Variants in MTHFD1L observed in about 807,000 individuals in gnomAD.
MTHFD1L encodes methylenetetrahydrofolate dehydrogenase (NADP+ dependent) 1 like.
A neutral mutation model predicts 119.5 loss-of-function variants in MTHFD1L; 81 were observed. That is an observed-to-expected ratio of 0.68 (90% CI 0.57 to 0.82). The LOEUF (loss-of-function observed/expected upper bound fraction) is 0.82. Among genes scored for constraint, MTHFD1L ranks in the 40% least tolerant of loss-of-function variants. MTHFD1L has a pLI of 0.00. For missense variants in MTHFD1L, 1,125 were observed against 1,253.4 expected, an observed-to-expected ratio of 0.90 and a Z score of 1.55; for synonymous variants, 430 against 475.2, an observed-to-expected ratio of 0.90 and a Z score of 1.24.
chr6:151,063,940 G>T (rs563338834), intron 26 of MTHFD1L, among the ~76,000 whole-genome samples: 30 of 151,388 alleles, frequency 2.0e-4, no homozygotes, highest in African/African-American at 7.2e-4. Context: ...GAAGTTATGA[G>T]CATTTCTGGA....
Position 151,015,746 on chromosome 6 carries a change from G to A in MTHFD1L, c.2586+53G>A, listed in dbSNP as rs1403507981. 59 of 1,573,600 alleles carry A rather than the reference G, an allele frequency of 3.7e-5. 1 individual carries two copies. The highest frequency in any genetic ancestry group is 4.9e-5 in the Non-Finnish European group (57 of 1,158,232). On this transcript the variant is annotated intron_variant, in intron 24 of 27. Coordinates refer to ENST00000367321, the MANE Select transcript of MTHFD1L (RefSeq NM_015440.5). ...CATTTCTTACACCTTAGCATGGGTT[G>A]TCCCATTCTGTTGTCACCACAACCC...
At position 150,865,724 on chromosome 6, in the gene MTHFD1L, G is replaced by GCCGCCGCCA; in HGVS notation, c.-91_-90insACCGCCGCC. On this transcript the variant is annotated 5_prime_UTR_variant, in exon 1 of 28. Coordinates refer to ENST00000367321, the MANE Select transcript of MTHFD1L (RefSeq NM_015440.5). ...GAGGAGGAAGCGCCAGGTCCTTCCC[G>GCCGCCGCCA]CCGCCGCCGCCGCCGCCGCCGCCTG... 1 of 773,230 alleles carries GCCGCCGCCA rather than the reference G, an allele frequency of 1.3e-6. No homozygotes were observed. The highest frequency in any genetic ancestry group is 1.6e-6 in the Non-Finnish European group (1 of 615,608). The allele number at this position is 773,230 out of a possible 1,614,324, so 47.9% of individuals were successfully genotyped here.
chr6:151,046,764 T>C (rs1158723497), intron 26 of MTHFD1L, among the ~76,000 whole-genome samples: 1 of 151,974 alleles, frequency 6.6e-6, no homozygotes, highest in Non-Finnish European at 1.5e-5. Flanking sequence ...AGCTAAGCAA[T>C]ATATGCAAGG....
chr6:151,043,364 A>G (rs1254159938), intron 26 of MTHFD1L, among the ~76,000 whole-genome samples: 1 of 140,850 alleles, frequency 7.1e-6, no homozygotes, highest in Non-Finnish European at 1.5e-5. Context: ...TTCCAGGTTC[A>G]AGTGATACTC....
chr6:151,088,475 G>A (rs1282147284), intron 26 of MTHFD1L: 1 of 152,000 alleles, frequency 6.6e-6, no homozygotes, highest in Admixed American at 6.6e-5. Context: ...TTTCTTTTTT[G>A]AGACAGATTC....
chr6:150,956,793 A>C (rs1340584872), intron 17 of MTHFD1L, among the ~76,000 whole-genome samples: 1 of 152,196 alleles, frequency 6.6e-6, no homozygotes, highest in Non-Finnish European at 1.5e-5. Context: ...ATAATAACCA[A>C]TCCTTACGCC....
intron 20 of MTHFD1L, among the ~76,000 whole-genome samples, chr6:150,987,281 A>G (rs1778445609): frequency 6.6e-6 from 1 of 152,090 alleles, no homozygotes; most frequent in Admixed American, 6.5e-5. Flanking sequence ...GAGGTTTGAG[A>G]GCCCTTTCTT....
chr6:151,056,699 C>T (rs1273371060), intron 26 of MTHFD1L, among the ~76,000 whole-genome samples: 1 of 152,144 alleles, frequency 6.6e-6, no homozygotes, highest in Non-Finnish European at 1.5e-5. Context: ...CACCTGCCAT[C>T]CCCTCTGGAA....
At chr6:151,034,730 T>C in intron 25 of MTHFD1L, 130 bp downstream of exon 25, 1 of 674,358 alleles carries the variant, frequency 1.5e-6, no homozygotes, top group South Asian at 1.7e-5. Context: ...TTAACAAAGA[T>C]GAAGGTAATA....
At chr6:151,001,577 C>A (rs750252617) in intron 20 of MTHFD1L, among the ~76,000 whole-genome samples, 13 of 152,146 alleles carry the variant, frequency 8.5e-5, no homozygotes, top group Non-Finnish European at 1.6e-4. Context: ...CATTTCCCAT[C>A]CAGCGAAGGG....
At position 151,099,698 on chromosome 6, in the gene MTHFD1L, C is replaced by T. The variant is rs141450365; in HGVS notation, c.*32-1828C>T. 9.2e-4 allele frequency: 1,484 copies of T among 1,609,662 alleles called. 18 individuals carry two copies. In the African/African-American group the frequency reaches 0.018, roughly 19 times the overall value. On this transcript the variant is annotated intron_variant, in intron 27 of 27. Coordinates refer to ENST00000367321, the MANE Select transcript of MTHFD1L (RefSeq NM_015440.5). The stretch of plus-strand genomic sequence containing the variant: ...AGGGTCCAGATCTTGATGCCCAACA[C>T]TGGTTATGGGAGCAACAAAAAAACA...
chr6:151,015,106 T>G, intron 23 of MTHFD1L, 126 bp downstream of exon 23: 2 of 713,700 alleles, frequency 2.8e-6, no homozygotes, highest in African/African-American at 1.8e-5. Flanking sequence ...ACCCAGTTCT[T>G]TCTGTTTGTT....
chr6:150,935,539 T>A, intron 11 of MTHFD1L: 1 of 1,544,464 alleles, frequency 6.5e-7, no homozygotes, highest in Non-Finnish European at 8.8e-7. Flanking sequence ...AAAGAAAAAT[T>A]TTGCGGCAAC....
intron 26 of MTHFD1L, among the ~76,000 whole-genome samples, chr6:151,046,441 A>T (rs781321733): frequency 1.5e-5 from 2 of 134,302 alleles, no homozygotes; most frequent in African/African-American, 2.8e-5. Context: ...TACAACTGGT[A>T]ATATATATAT....
intron 24 of MTHFD1L, among the ~76,000 whole-genome samples, chr6:151,029,369 C>G (rs989897573): frequency 4.6e-5 from 7 of 151,742 alleles, no homozygotes; most frequent in African/African-American, 1.7e-4. Context: ...TACCGTGAGC[C>G]AAGATCGCGC....
chr6:150,884,966 G>T (rs919291348), intron 5 of MTHFD1L, among the ~76,000 whole-genome samples: 2 of 152,136 alleles, frequency 1.3e-5, no homozygotes, highest in Admixed American at 1.3e-4. Context: ...GCAGGACCAT[G>T]CTTCTGTGTA....
intron 4 of MTHFD1L, among the ~76,000 whole-genome samples, chr6:150,880,772 T>A (rs906483417): frequency 2.6e-5 from 4 of 152,226 alleles, no homozygotes; most frequent in African/African-American, 9.6e-5. Flanking sequence ...TTTGTTATTG[T>A]CATTTTTGAT....
intron 26 of MTHFD1L, among the ~76,000 whole-genome samples, chr6:151,040,893 G>A (rs964082419): frequency 1.3e-5 from 2 of 152,184 alleles, no homozygotes; most frequent in Non-Finnish European, 2.9e-5. Flanking sequence ...ACACCAGGCT[G>A]TCCGCTCCTG....
At position 150,994,075 on chromosome 6, in the gene MTHFD1L, A is replaced by AGG. The variant is rs1271321405; in HGVS notation, c.2126-15744_2126-15743insGG. ...AATAACAACAACAGTAAAAAAAAAA[A>AGG]AAAAAGAAAGAAAGAAAGAAAGTGA... On this transcript the variant is annotated intron_variant, in intron 20 of 27. Transcript: ENST00000367321. Among the ~76,000 whole-genome samples the AGG allele has an allele frequency of 5.2e-3, 768 of 146,462 alleles. 26 individuals carry two copies. Among genetic ancestry groups the AGG allele is most frequent in the African/African-American group, 0.02 (739 of 37,106 alleles).
Sources: allele counts gnomAD v4.1 joint callset (sites outside exome capture counted in the v4.1 genomes callset), GRCh38; gene constraint gnomAD v4.1.1; transcripts MANE v1.5; gene names NCBI Gene and HGNC (gene_info 2026-07-23, HGNC 2026-07-21).